LY6G5B: variants seen among roughly 807,000 people sequenced by gnomAD.
LY6G5B encodes lymphocyte antigen 6 family member G5B, also known as lymphocyte antigen 6 complex locus protein G5b.
A neutral mutation model predicts 6.7 loss-of-function variants in LY6G5B; 6 were observed. The ratio of observed to expected loss-of-function variants is 0.89; its 90% CI spans 0.49 to 1.76. The LOEUF is 1.76. Ranked by LOEUF, LY6G5B falls within the 40% of genes most tolerant of loss-of-function variation. The probability of loss-of-function intolerance (pLI) is 0.01; values close to 1 mark genes in which losing one functional copy is unlikely to be tolerated. For missense variants in LY6G5B, 240 were observed against 249.5 expected, an observed-to-expected ratio of 0.96 and a Z score of 0.26; for synonymous variants, 98 against 99.4, an observed-to-expected ratio of 0.99 and a Z score of 0.09.
At chr6:31,671,720 C>T in intron 2 of LY6G5B, 144 bp from the exon 3 acceptor site, 1 of 960,868 alleles carries the variant, frequency 1.0e-6, no homozygotes, top group Non-Finnish European at 1.5e-6. Context: ...AGGGGGCCAG[C>T]AGAGCTCACT....
rs772431050 is a variant in LY6G5B at position 31,671,107 on chromosome 6, G to C, written c.59-49G>C. 5 of 1,613,076 alleles carry C rather than the reference G, an allele frequency of 3.1e-6. No individual in the cohort carries two copies. The African/African-American group carries it at 6.7e-5, about 22-fold the overall frequency. Reference sequence around the variant, plus strand: ...ATAATCGGGCTTCCTACTGGCCCAGGGTATTTGAGAGTGACCCAGTGCCTC... The same window carrying C: ...ATAATCGGGCTTCCTACTGGCCCAGCGTATTTGAGAGTGACCCAGTGCCTC... On this transcript the variant is annotated intron_variant, in intron 1 of 2. Transcript: ENST00000375864.
At chr6:31,671,841 A>T (rs780165740) in intron 2 of LY6G5B, 23 bp from the exon 3 acceptor site, 115 of 1,590,958 alleles carry the variant, frequency 7.2e-5, no homozygotes, top group Non-Finnish European at 9.6e-5. Context: ...GGAAGGGGTT[A>T]TCAGCTTTCC....
exon 3 of LY6G5B, chr6:31,672,147 C>T (rs1284010916): frequency 5.6e-6 from 9 of 1,612,992 alleles, no homozygotes; most frequent in Non-Finnish European, 6.8e-6. Flanking sequence ...AGCCTGATGG[C>T]CTGGACCCCA....
chr6:31,672,278 C>T (rs1253325929), exon 3 of LY6G5B: 1 of 1,611,200 alleles, frequency 6.2e-7, no homozygotes, highest in African/African-American at 1.3e-5. Context: ...CCTCACCCTT[C>T]CTGAATTCCA....
chr6:31,671,303 A>G lies in LY6G5B; in HGVS notation c.187+19A>G. The G allele has an allele frequency of 6.2e-7, 1 of 1,612,806 alleles. No individual in the cohort carries two copies. Among genetic ancestry groups the G allele is most frequent in the East Asian group, 2.2e-5 (1 of 44,884 alleles). On this transcript the variant is annotated intron_variant, in intron 2 of 2. Transcript: ENST00000375864. ...TATTATGGTAAATAAGGTCCCAGGA[A>G]GGGGCTGCTGGTGGGGCAGCCAATG...
exon 3 of LY6G5B, chr6:31,672,292 T>G: frequency 6.2e-7 from 1 of 1,604,532 alleles, no homozygotes; most frequent in East Asian, 2.2e-5. Context: ...AATTCCACAG[T>G]GCAAATATCT....
chr6:31,670,865 C>A, exon 1 of LY6G5B: 1 of 1,426,884 alleles, frequency 7.0e-7, no homozygotes. Context: ...AACCACCCTG[C>A]AGCTTAGGAT....
rs1333653661 is a variant in LY6G5B, at chr6:31,671,973, T to A, written c.297T>A (p.Cys99Ter). ...AGTACTGGTATCAGGCCCAGTGCTG[T>A]CAGTACGATTATTGCAACTCCTGGT... The change falls in exon 3 of 3, where the codon TGT becomes TGA. Residue 99 changes from cysteine (C) to a stop codon, truncating the protein, a stop_gained. Coordinates refer to ENST00000375864, the Ensembl canonical transcript of LY6G5B. LOFTEE classifies it low-confidence loss of function (END_TRUNC). 2.5e-6 allele frequency: 4 copies of A among 1,612,968 alleles called. No individual in the cohort carries two copies. The highest frequency in any genetic ancestry group is 3.3e-5 in the Admixed American group (2 of 60,008).
At chr6:31,672,324 C>G in exon 3 of LY6G5B, 1 of 1,559,362 alleles carries the variant, frequency 6.4e-7, no homozygotes, top group African/African-American at 1.4e-5. Context: ...CCTCAGCATC[C>G]TGCACTGCCC....
chr6:31,671,734 C>A, intron 2 of LY6G5B, 130 bp from the exon 3 acceptor site: 1 of 1,138,396 alleles, frequency 8.8e-7, no homozygotes, highest in Non-Finnish European at 1.2e-6. Context: ...GCTCACTTTT[C>A]TAGCCTCTTG....
exon 2 of LY6G5B, chr6:31,671,178 G>A (rs924292776): frequency 7.4e-6 from 12 of 1,613,926 alleles, no homozygotes; most frequent in East Asian, 2.2e-5. Context: ...ACATCCGGAC[G>A]TGCCACTTCT....
At chr6:31,672,625 T>G in exon 3 of LY6G5B, 1 of 266,536 alleles carries the variant, frequency 3.8e-6, no homozygotes. Context: ...TTTGTATTTT[T>G]AGTAGAGACG....
chr6:31,672,355 C>T, exon 3 of LY6G5B: 7 of 1,473,936 alleles, frequency 4.7e-6, no homozygotes, highest in Non-Finnish European at 6.4e-6. Context: ...CACCCACATT[C>T]TTTGGTCACT....
At chr6:31,670,436 G>A (rs948763432) in exon 1 of LY6G5B, 23 of 172,550 alleles carry the variant, frequency 1.3e-4, no homozygotes, top group Admixed American at 4.6e-4. Flanking sequence ...GACAAGGTCC[G>A]GAATTGCTGC....
chr6:31,670,031 G>A (rs371767774), upstream of LY6G5B: 299 of 877,264 alleles, frequency 3.4e-4, 6 homozygotes, highest in South Asian at 4.6e-3. Context: ...AGTCGTTATC[G>A]TGGTGGGAAT....
chr6:31,671,812 T>TG (rs1802239555), intron 2 of LY6G5B, 52 bp from the exon 3 acceptor site: 1 of 1,552,950 alleles, frequency 6.4e-7, no homozygotes, highest in Admixed American at 1.9e-5. Flanking sequence ...CAGGGGTTCT[T>TG]GGACTATGGG....
exon 1 of LY6G5B, chr6:31,670,799 C>T: frequency 1.3e-6 from 1 of 755,568 alleles, no homozygotes; most frequent in Non-Finnish European, 2.2e-6. Context: ...CAGGATCCTG[C>T]CCCAAGTAGG....
exon 1 of LY6G5B, chr6:31,670,775 A>C: frequency 1.5e-6 from 1 of 645,792 alleles, no homozygotes; most frequent in Admixed American, 3.1e-5. Context: ...CCAAGTAATA[A>C]CTTCCTTCCC....
At chr6:31,672,149 T>C (rs1394037396) in exon 3 of LY6G5B, 2 of 1,613,142 alleles carry the variant, frequency 1.2e-6, no homozygotes, top group South Asian at 1.1e-5. Flanking sequence ...CCTGATGGCC[T>C]GGACCCCATG....
Sources: allele counts gnomAD v4.1 joint callset, GRCh38; gene constraint gnomAD v4.1.1; transcripts MANE v1.5; gene names NCBI Gene and HGNC (gene_info 2026-07-23, HGNC 2026-07-21).